The following TMCC1 variants were observed in gnomAD, a reference collection of about 807,000 sequenced individuals.
The protein encoded by TMCC1 is transmembrane and coiled-coil domain family 1, also known as transmembrane and coiled-coil domains protein 1.
A neutral mutation model predicts 52.4 loss-of-function variants in TMCC1; 15 were observed. That is an observed-to-expected ratio of 0.29 (90% CI 0.19 to 0.44). The LOEUF is 0.44. TMCC1 is among the 20% of genes least tolerant of loss of function. The pLI is 1.00. For synonymous variants in TMCC1, 279 were observed against 301.9 expected (o/e 0.92, Z 0.79); for missense variants, 503 against 806.0 (o/e 0.62, Z 4.55).
intron 4 of TMCC1, among the ~76,000 whole-genome samples, chr3:129,721,676 C>T (rs183984614): frequency 4.5e-4 from 66 of 147,862 alleles, no homozygotes; most frequent in African/African-American, 1.6e-3. Context: ...CTGGCTAACA[C>T]CGTGAAACCC....
intron 4 of TMCC1, among the ~76,000 whole-genome samples, chr3:129,823,242 C>T (rs2058503877): frequency 6.6e-6 from 1 of 152,096 alleles, no homozygotes. Context: ...AGGAGAATCG[C>T]TTGAACCCAG....
In TMCC1 at chr3:129,649,557, T is replaced by G. The variant is rs1365312098; in HGVS notation, c.*1924A>C. 6.6e-6 allele frequency: 1 copy of G among 152,534 alleles called. No homozygotes were observed. The highest frequency in any genetic ancestry group is 1.5e-5 in the Non-Finnish European group (1 of 68,016). 9.4% of individuals were successfully genotyped at this position (152,534 alleles called of 1,614,324 possible). On this transcript the variant is annotated 3_prime_UTR_variant, in exon 7 of 7. Transcript: ENST00000393238. ...AGACTGGAGTACCTGAGTTAAAATA[T>G]CAAAGTAGTTATGGAAACAACATGC...
At chr3:129,714,105 C>T (rs1376702781) in intron 4 of TMCC1, among the ~76,000 whole-genome samples, 2 of 152,220 alleles carry the variant, frequency 1.3e-5, no homozygotes, top group Non-Finnish European at 2.9e-5. Flanking sequence ...AGGAAGAAAG[C>T]GACATCACCT....
chr3:129,883,836 C>T (rs973451688), intron 1 of TMCC1, among the ~76,000 whole-genome samples: 5 of 146,536 alleles, frequency 3.4e-5, no homozygotes, highest in Non-Finnish European at 7.4e-5. Flanking sequence ...TGAAACCTCG[C>T]GTCTATTTTA....
chr3:129,691,914 CAT>C (rs879801363), intron 4 of TMCC1, among the ~76,000 whole-genome samples: 3 of 152,158 alleles, frequency 2.0e-5, no homozygotes, highest in East Asian at 3.9e-4. Flanking sequence ...TAAATAAGCA[CAT>C]ATATATATGT....
chr3:129,838,645 C>G (rs924415109), intron 2 of TMCC1, among the ~76,000 whole-genome samples: 1 of 146,082 alleles, frequency 6.8e-6, no homozygotes, highest in Non-Finnish European at 1.5e-5. Context: ...CCCAGCTACT[C>G]AGGAGGCTGA....
At chr3:129,816,042 C>T (rs1349210673) in intron 4 of TMCC1, among the ~76,000 whole-genome samples, 1 of 152,088 alleles carries the variant, frequency 6.6e-6, no homozygotes, top group East Asian at 1.9e-4. Flanking sequence ...AATGAGACAT[C>T]ACATCACCCC....
intron 4 of TMCC1, among the ~76,000 whole-genome samples, chr3:129,733,998 A>G (rs13318792): frequency 0.013 from 1,917 of 152,314 alleles, 41 homozygotes; most frequent in African/African-American, 0.042. Context: ...CAATTTAGCA[A>G]TATCTAGTTA....
intron 4 of TMCC1, among the ~76,000 whole-genome samples, chr3:129,735,847 A>G (rs2050914647): frequency 6.6e-6 from 1 of 152,136 alleles, no homozygotes; most frequent in South Asian, 2.1e-4. Context: ...ACAATACAGT[A>G]CAGCAGGTTA....
intron 4 of TMCC1, among the ~76,000 whole-genome samples, chr3:129,771,502 C>G (rs756825675): frequency 3.3e-5 from 5 of 151,946 alleles, no homozygotes; most frequent in African/African-American, 4.8e-5. Flanking sequence ...GGGCTGGGCA[C>G]GGTTGCTCAC....
intron 1 of TMCC1, among the ~76,000 whole-genome samples, chr3:129,884,568 A>G (rs796092683): frequency 2.6e-5 from 4 of 152,316 alleles, no homozygotes; most frequent in African/African-American, 9.6e-5. Flanking sequence ...TTCCCATCAC[A>G]CTTTCCTACA....
At chr3:129,839,159 T>C (rs749128886) in intron 2 of TMCC1, among the ~76,000 whole-genome samples, 2 of 152,108 alleles carry the variant, frequency 1.3e-5, no homozygotes, top group Non-Finnish European at 2.9e-5. Context: ...TAAAGTATAA[T>C]TTTTTTATTT....
chr3:129,772,946 CAA>C (rs1392019451), intron 4 of TMCC1, among the ~76,000 whole-genome samples: 1 of 152,072 alleles, frequency 6.6e-6, no homozygotes, highest in African/African-American at 2.4e-5. Context: ...GGTAGGAATG[CAA>C]AATAGTATAA....
At chr3:129,844,076 C>A (rs982644738) in intron 2 of TMCC1, among the ~76,000 whole-genome samples, 3 of 152,098 alleles carry the variant, frequency 2.0e-5, no homozygotes, top group Non-Finnish European at 4.4e-5. Flanking sequence ...GGTTCACATT[C>A]AAAAATCAAT....
chr3:129,892,791 C>T (rs939233443), intron 1 of TMCC1: 1 of 152,136 alleles, frequency 6.6e-6, no homozygotes, highest in African/African-American at 2.4e-5. Context: ...ACCCCTTTAC[C>T]GAGGCTGAAA....
chr3:129,815,610 C>T (rs568371881), intron 4 of TMCC1, among the ~76,000 whole-genome samples: 150 of 152,192 alleles, frequency 9.9e-4, no homozygotes, highest in African/African-American at 3.4e-3. Flanking sequence ...AAGGGATTAA[C>T]AACTTAAATC....
intron 4 of TMCC1, among the ~76,000 whole-genome samples, chr3:129,746,526 A>G (rs948384050): frequency 6.6e-6 from 1 of 152,108 alleles, no homozygotes; most frequent in Non-Finnish European, 1.5e-5. Flanking sequence ...CCATGGTTCT[A>G]AATTTGATCC....
intron 4 of TMCC1, among the ~76,000 whole-genome samples, chr3:129,705,605 CTTTT>C (rs1277305226): frequency 5.0e-5 from 7 of 138,844 alleles, no homozygotes; most frequent in African/African-American, 7.9e-5. Flanking sequence ...ATTTGAAACA[CTTTT>C]TTTTTTTTTT....
intron 4 of TMCC1, among the ~76,000 whole-genome samples, chr3:129,770,678 G>A (rs1486362784): frequency 8.6e-5 from 13 of 151,696 alleles, no homozygotes; most frequent in Admixed American, 8.6e-4. Flanking sequence ...TTAGCACTTG[G>A]AAGACTACAA....
Sources: allele counts gnomAD v4.1 joint callset (sites outside exome capture counted in the v4.1 genomes callset), GRCh38; gene constraint gnomAD v4.1.1; transcripts MANE v1.5; gene names NCBI Gene and HGNC (gene_info 2026-07-23, HGNC 2026-07-21).